The following DIAPH3 variants were observed in gnomAD, a reference collection of about 807,000 sequenced individuals.
DIAPH3 encodes protein diaphanous homolog 3.
DIAPH3 carries 117 observed loss-of-function variants against 144.3 expected under a neutral mutation model. The observed-to-expected ratio is 0.81, with a 90% confidence interval of 0.70 to 0.95. The LOEUF (loss-of-function observed/expected upper bound fraction) is 0.95, where lower values mean the gene tolerates loss of function less well. Among genes scored for constraint, DIAPH3 ranks in the 40% least tolerant of loss-of-function variants. The pLI is 0.00. For synonymous variants in DIAPH3, 519 were observed against 488.9 expected (o/e 1.06, Z -0.81); for missense variants, 1,421 against 1,412.7 (o/e 1.01, Z -0.09).
At chr13:59,999,100 G>A (rs936710492) in intron 9 of DIAPH3, among the ~76,000 whole-genome samples, 2 of 152,040 alleles carry the variant, frequency 1.3e-5, no homozygotes, top group African/African-American at 4.8e-5. Context: ...AAAGTGGTAG[G>A]TGGAACAAAA....
chr13:60,077,228 G>C (rs1244934237), intron 4 of DIAPH3, among the ~76,000 whole-genome samples: 1 of 151,672 alleles, frequency 6.6e-6, no homozygotes, highest in Non-Finnish European at 1.5e-5. Context: ...AATGACAGGG[G>C]GAAATGCGTA....
intron 20 of DIAPH3, among the ~76,000 whole-genome samples, chr13:59,906,933 C>A (rs913523077): frequency 6.6e-5 from 10 of 152,018 alleles, no homozygotes; most frequent in African/African-American, 2.2e-4. Context: ...GCTTATTGAT[C>A]AAAGAAAGCC....
At chr13:59,984,057 T>A (rs1344180087) in intron 12 of DIAPH3, among the ~76,000 whole-genome samples, 170 bp from the exon 13 acceptor site, 1 of 151,778 alleles carries the variant, frequency 6.6e-6, no homozygotes, top group Admixed American at 6.6e-5. Flanking sequence ...ACAATTGTCA[T>A]CACTTTGCTT....
At chr13:60,021,666 CAAAA>C (rs55896515) in intron 5 of DIAPH3, among the ~76,000 whole-genome samples, 5 of 81,408 alleles carry the variant, frequency 6.1e-5, no homozygotes, top group African/African-American at 4.5e-5. Context: ...GGCTCTGTCT[CAAAA>C]AAAAAAAAAA....
chr13:59,827,274 A>G (rs919041548), intron 24 of DIAPH3, among the ~76,000 whole-genome samples: 14 of 152,124 alleles, frequency 9.2e-5, no homozygotes, highest in Non-Finnish European at 1.9e-4. Flanking sequence ...AATTTTCGCA[A>G]CCTACTCATC....
At chr13:60,012,070 A>G (rs918111019) in intron 7 of DIAPH3, among the ~76,000 whole-genome samples, 2 of 152,198 alleles carry the variant, frequency 1.3e-5, no homozygotes, top group Non-Finnish European at 2.9e-5. Context: ...ATTCCCAATT[A>G]CAAGCCTATG....
intron 3 of DIAPH3, among the ~76,000 whole-genome samples, chr13:60,095,598 T>C (rs950917366): frequency 6.6e-6 from 1 of 150,642 alleles, no homozygotes. Context: ...ATTTGCCAGT[T>C]ATTGCTGTTT....
intron 4 of DIAPH3, among the ~76,000 whole-genome samples, chr13:60,046,478 T>C (rs1363669897): frequency 1.3e-5 from 2 of 152,156 alleles, no homozygotes; most frequent in Non-Finnish European, 2.9e-5. Context: ...AAACAACAGA[T>C]GCTGGAGAGG....
At chr13:59,916,364 T>G in intron 18 of DIAPH3, 115 bp from the exon 19 acceptor site, 1 of 801,554 alleles carries the variant, frequency 1.2e-6, no homozygotes. Flanking sequence ...AATTCAAACA[T>G]TTAATATTAT....
intron 27 of DIAPH3, among the ~76,000 whole-genome samples, chr13:59,691,141 C>T (rs1020892838): frequency 2.6e-5 from 4 of 152,088 alleles, no homozygotes; most frequent in Non-Finnish European, 5.9e-5. Context: ...GGCAGCAACA[C>T]ACAGGAAGGC....
At chr13:59,763,168 C>T (rs893033336) in intron 27 of DIAPH3, among the ~76,000 whole-genome samples, 17 of 151,938 alleles carry the variant, frequency 1.1e-4, no homozygotes, top group Non-Finnish European at 2.5e-4. Flanking sequence ...TTTCCATATC[C>T]AAGGGATCCT....
chr13:60,162,809 T>TCACA (rs35687460), intron 1 of DIAPH3, among the ~76,000 whole-genome samples: 13,753 of 122,172 alleles, frequency 0.11, 962 homozygotes, highest in Middle Eastern at 0.19. Context: ...TCTCTCTCTC[T>TCACA]CACACACACA....
chr13:59,941,161 G>C (rs1448025467), intron 17 of DIAPH3, among the ~76,000 whole-genome samples: 1 of 152,086 alleles, frequency 6.6e-6, no homozygotes, highest in African/African-American at 2.4e-5. Context: ...AATTGCAAAA[G>C]CTGGTTACTT....
chr13:59,789,250 C>T (rs1336183223), intron 25 of DIAPH3, among the ~76,000 whole-genome samples: 1 of 152,094 alleles, frequency 6.6e-6, no homozygotes, highest in Non-Finnish European at 1.5e-5. Flanking sequence ...CACAGAGTAA[C>T]CCAGGGAGGA....
chr13:60,126,404 T>A (rs915964250), intron 2 of DIAPH3, among the ~76,000 whole-genome samples: 1 of 152,210 alleles, frequency 6.6e-6, no homozygotes, highest in Non-Finnish European at 1.5e-5. Flanking sequence ...AAACGTCATT[T>A]ATTAAAGATA....
chr13:59,686,607 T>C (rs1490732827), intron 27 of DIAPH3, among the ~76,000 whole-genome samples: 1 of 152,128 alleles, frequency 6.6e-6, no homozygotes, highest in East Asian at 1.9e-4. Flanking sequence ...ATGGTATTCA[T>C]TTTTAACATA....
At chr13:59,951,399 ACTTTC>A (rs898238270) in intron 17 of DIAPH3, among the ~76,000 whole-genome samples, 1 of 152,116 alleles carries the variant, frequency 6.6e-6, no homozygotes, top group Non-Finnish European at 1.5e-5. Context: ...CAATTAAACC[ACTTTC>A]CTTTGTAAAT....
At chr13:60,147,838 G>A (rs1317217216) in intron 1 of DIAPH3, among the ~76,000 whole-genome samples, 1 of 152,178 alleles carries the variant, frequency 6.6e-6, no homozygotes, top group Non-Finnish European at 1.5e-5. Context: ...TTTTAAGCAG[G>A]TTCCATAATC....
At chr13:59,972,640 C>T (rs2050453184) in intron 15 of DIAPH3, among the ~76,000 whole-genome samples, 1 of 152,176 alleles carries the variant, frequency 6.6e-6, no homozygotes, top group Admixed American at 6.5e-5. Context: ...TTCAGTGTTA[C>T]TCTGGGTTGC....
Sources: gnomAD v4.1 joint callset for allele counts (sites outside exome capture counted in the v4.1 genomes callset) on GRCh38, gnomAD v4.1.1 for gene constraint, MANE v1.5 for transcripts, NCBI Gene and HGNC (gene_info 2026-07-23, HGNC 2026-07-21) for gene names.